Variants in SLC16A10 observed in about 807,000 individuals in gnomAD.
The protein encoded by SLC16A10 is monocarboxylate transporter 10.
Under a neutral mutation model 40.0 loss-of-function variants are expected in SLC16A10, and 27 were observed. The ratio of observed to expected loss-of-function variants is 0.67; its 90% CI spans 0.50 to 0.93. SLC16A10 has a LOEUF of 0.93. Among genes scored for constraint, SLC16A10 ranks in the 40% least tolerant of loss-of-function variants. SLC16A10 has a pLI of 0.00. For synonymous variants in SLC16A10, 213 were observed against 249.8 expected (o/e 0.85, Z 1.39); for missense variants, 529 against 658.2 (o/e 0.80, Z 2.15).
At position 111,230,959 on chromosome 6, in the gene SLC16A10, G is replaced by A. The variant is rs1253111437; in HGVS notation, c.*8724G>A. The A allele has an allele frequency of 4.6e-5, 7 of 152,112 alleles. No individual in the cohort carries two copies. The highest frequency in any genetic ancestry group is 4.6e-4 in the Admixed American group (7 of 15,274). The allele number at this position is 152,112 out of a possible 1,614,324, so 9.4% of individuals were successfully genotyped here. A position where few individuals can be genotyped will look rare whatever the true frequency, so the allele number is the denominator to read the frequency against. ...TAGTTGTTCAAATGTAGATCACTATGCTGAATGCTCATGCTGGATTTGACC... is the reference window on the plus strand; with the variant it reads ...TAGTTGTTCAAATGTAGATCACTATACTGAATGCTCATGCTGGATTTGACC... On this transcript the variant is annotated 3_prime_UTR_variant, in exon 6 of 6. Coordinates refer to ENST00000368851, the MANE Select transcript of SLC16A10 (RefSeq NM_018593.5).
intron 1 of SLC16A10, among the ~76,000 whole-genome samples, chr6:111,119,947 T>C (rs1395761570): frequency 6.6e-6 from 1 of 152,264 alleles, no homozygotes; most frequent in African/African-American, 2.4e-5. Context: ...TCTTTCAAAC[T>C]ATTAGGTGAA....
chr6:111,102,550 G>C (rs1182827889), intron 1 of SLC16A10, among the ~76,000 whole-genome samples: 1 of 152,134 alleles, frequency 6.6e-6, no homozygotes, highest in Non-Finnish European at 1.5e-5. Flanking sequence ...ATTCCCATAG[G>C]TAATGAAGGA....
chr6:111,207,562 C>T lies in SLC16A10; in HGVS notation c.1086+827C>T, dbSNP rs1354417959. On this transcript the variant is annotated intron_variant, in intron 4 of 5. Transcript: ENST00000368851. ...GCCCTCACCTAGTAGCTAATGGTCT[C>T]ATGGGAGAAGATAAAGCAGTGTTGC... is the stretch of plus-strand genomic sequence containing the variant. Among the ~76,000 whole-genome samples the T allele has an allele frequency of 2.0e-5, 3 of 152,172 alleles. No homozygotes were observed. The East Asian group carries it at 5.8e-4, about 29-fold the overall frequency.
At chr6:111,168,678 C>G (rs571865676) in intron 1 of SLC16A10, among the ~76,000 whole-genome samples, 1 of 152,236 alleles carries the variant, frequency 6.6e-6, no homozygotes, top group Non-Finnish European at 1.5e-5. Flanking sequence ...GATCAGAAGA[C>G]AGACCTAACT....
At chr6:111,161,272 G>T (rs1410717989) in intron 1 of SLC16A10, among the ~76,000 whole-genome samples, 1 of 143,338 alleles carries the variant, frequency 7.0e-6, no homozygotes, top group Admixed American at 7.1e-5. Context: ...TGTAAAATAG[G>T]TGGAGGGTGG....
At chr6:111,154,572 G>A (rs887359739) in intron 1 of SLC16A10, among the ~76,000 whole-genome samples, 1 of 152,090 alleles carries the variant, frequency 6.6e-6, no homozygotes, top group African/African-American at 2.4e-5. Context: ...TTGCCCCTTT[G>A]TTTCTTATAG....
chr6:111,194,674 G>GT (rs1773051837), intron 3 of SLC16A10, among the ~76,000 whole-genome samples: 1 of 152,126 alleles, frequency 6.6e-6, no homozygotes, highest in Non-Finnish European at 1.5e-5. Flanking sequence ...AATAAACCAA[G>GT]TGTCCCTGTC....
intron 1 of SLC16A10, among the ~76,000 whole-genome samples, chr6:111,150,473 A>G (rs1772154046): frequency 6.6e-6 from 1 of 151,436 alleles, no homozygotes; most frequent in African/African-American, 2.4e-5. Context: ...TATCATCAAT[A>G]TCATCATCAT....
intron 1 of SLC16A10, among the ~76,000 whole-genome samples, chr6:111,113,332 T>C (rs112480718): frequency 0.012 from 1,897 of 152,278 alleles, 28 homozygotes; most frequent in African/African-American, 0.043. Context: ...GTGTCCTCTG[T>C]GAAAAGTAAG....
intron 4 of SLC16A10, among the ~76,000 whole-genome samples, chr6:111,215,560 T>C (rs890127703): frequency 3.3e-5 from 5 of 152,220 alleles, no homozygotes; most frequent in African/African-American, 1.2e-4. Flanking sequence ...GTTTTAACAA[T>C]TAAATCCATT....
rs1394270406 is a variant in SLC16A10 at position 111,226,867 on chromosome 6, C to G, written c.*4632C>G. ...AGTTCTAAGGCCATGTGTGGCGGCTCACGCCTGTAATCCCAGCACTTTGGG... is the reference window on the plus strand; with the variant it reads ...AGTTCTAAGGCCATGTGTGGCGGCTGACGCCTGTAATCCCAGCACTTTGGG... On this transcript the variant is annotated 3_prime_UTR_variant, in exon 6 of 6. Transcript: ENST00000368851. 1 of 152,254 alleles carries G rather than the reference C, an allele frequency of 6.6e-6. No homozygotes were observed. The highest frequency in any genetic ancestry group is 1.5e-5 in the Non-Finnish European group (1 of 68,062). The allele number at this position is 152,254 out of a possible 1,614,324, so 9.4% of individuals were successfully genotyped here.
intron 1 of SLC16A10, among the ~76,000 whole-genome samples, chr6:111,122,762 G>A (rs1771606943): frequency 6.6e-6 from 1 of 152,188 alleles, no homozygotes; most frequent in African/African-American, 2.4e-5. Context: ...TGAGGACGAT[G>A]AGAAGCGACC....
At chr6:111,100,231 A>G (rs1771150250) in intron 1 of SLC16A10, among the ~76,000 whole-genome samples, 1 of 152,198 alleles carries the variant, frequency 6.6e-6, no homozygotes. Flanking sequence ...GGGTGTCTGT[A>G]AATGATGCTC....
intron 1 of SLC16A10, among the ~76,000 whole-genome samples, chr6:111,130,752 C>A (rs1264171313): frequency 6.6e-6 from 1 of 152,166 alleles, no homozygotes; most frequent in Non-Finnish European, 1.5e-5. Context: ...ATATAATCTA[C>A]TAGGATAATA....
intron 3 of SLC16A10, among the ~76,000 whole-genome samples, chr6:111,198,280 T>C (rs1022117681): frequency 6.6e-6 from 1 of 152,102 alleles, no homozygotes; most frequent in Non-Finnish European, 1.5e-5. Flanking sequence ...AGTGAGGCTC[T>C]GTCTAAAAAA....
chr6:111,216,435 A>T (rs1488142199), intron 4 of SLC16A10, among the ~76,000 whole-genome samples: 1 of 151,672 alleles, frequency 6.6e-6, no homozygotes, highest in Non-Finnish European at 1.5e-5. Flanking sequence ...AGGGAGTCTC[A>T]CACTGTCGCC....
intron 1 of SLC16A10, among the ~76,000 whole-genome samples, chr6:111,124,209 T>C (rs1234165966): frequency 6.6e-6 from 1 of 152,094 alleles, no homozygotes; most frequent in African/African-American, 2.4e-5. Context: ...CATAGAAATA[T>C]AGGGAACTCT....
chr6:111,195,118 G>GA (rs1164912852), intron 3 of SLC16A10, among the ~76,000 whole-genome samples: 1 of 151,462 alleles, frequency 6.6e-6, no homozygotes, highest in Non-Finnish European at 1.5e-5. Context: ...TGATTTTAGG[G>GA]AAAAAAAAGA....
chr6:111,162,868 A>G (rs1772395034), intron 1 of SLC16A10, among the ~76,000 whole-genome samples: 1 of 152,070 alleles, frequency 6.6e-6, no homozygotes, highest in Non-Finnish European at 1.5e-5. Flanking sequence ...AGTACATTCT[A>G]TTAACTCTTC....
Sources: gnomAD v4.1 joint callset for allele counts (sites outside exome capture counted in the v4.1 genomes callset) on GRCh38, gnomAD v4.1.1 for gene constraint, MANE v1.5 for transcripts, NCBI Gene and HGNC (gene_info 2026-07-23, HGNC 2026-07-21) for gene names.